MME: variants seen among roughly 807,000 people sequenced by gnomAD.
MME encodes the protein neprilysin.
A neutral mutation model predicts 113.2 loss-of-function variants in MME; 98 were observed. The observed-to-expected ratio is 0.87, with a 90% CI of 0.74 to 1.02. MME has a LOEUF of 1.02. MME is among the 50% of genes least tolerant of loss of function. The pLI, the probability that MME is intolerant of heterozygous loss-of-function variation, is 0.00. For synonymous variants in MME, 292 were observed against 300.6 expected, an observed-to-expected ratio of 0.97 and a Z score of 0.30; for missense variants, 836 against 896.0, an observed-to-expected ratio of 0.93 and a Z score of 0.86.
chr3:155,110,893 A>G (rs914116863), intron 3 of MME, among the ~76,000 whole-genome samples: 1 of 152,212 alleles, frequency 6.6e-6, no homozygotes, highest in Non-Finnish European at 1.5e-5. Context: ...TTCACTTTAC[A>G]ATATCTGGTC....
chr3:155,111,962 A>G lies in MME; in HGVS notation c.197-3032A>G, dbSNP rs577337734. Among the ~76,000 whole-genome samples the G allele has an allele frequency of 3.0e-4, 45 of 152,184 alleles. 1 individual carries two copies. Among genetic ancestry groups the G allele is most frequent in the African/African-American group, 9.2e-4 (38 of 41,516 alleles). ...TTTTCACTTTACATAATAATCCTCTATGTATTTAGGATCTTTATTTTTCAC... is the reference window on the plus strand; with the variant it reads ...TTTTCACTTTACATAATAATCCTCTGTGTATTTAGGATCTTTATTTTTCAC... On this transcript the variant is annotated intron_variant, in intron 3 of 22. Transcript: ENST00000360490.
intron 1 of MME, among the ~76,000 whole-genome samples, chr3:155,058,079 G>A (rs557247144): frequency 6.6e-6 from 1 of 151,790 alleles, no homozygotes; most frequent in Non-Finnish European, 1.5e-5. Context: ...CCAGTAGAGA[G>A]TCTACACAAA....
chr3:155,141,482 C>A (rs1399401639), intron 10 of MME, among the ~76,000 whole-genome samples: 3 of 152,034 alleles, frequency 2.0e-5, no homozygotes, highest in Non-Finnish European at 4.4e-5. Flanking sequence ...GACCCAATAT[C>A]GATAATTGAA....
rs1278727445 is a variant in MME at position 155,148,589 on chromosome 3, C to G, written c.1537C>G (p.Gln513Glu). 2.5e-6 allele frequency: 4 copies of G among 1,612,244 alleles called. No homozygotes were observed. The South Asian group carries it at 3.3e-5, about 13-fold the overall frequency. Residue 513 changes from glutamine to glutamate, a missense_variant, in exon 16 of 23, where the codon CAA (glutamine) becomes GAA (glutamate). Physicochemically the swap from Gln to Glu is conservative, Grantham distance 29. Coordinates refer to ENST00000360490, the MANE Select transcript of MME (RefSeq NM_007289.4). ...KEDEYFENII[Q>E]NLKFSQSKQL... ...AGATGAATACTTCGAGAACATAATT[C>G]AAAATTTGAAATTCAGCCAAAGTAA...
chr3:155,089,946 C>A, intron 3 of MME: 1 of 377,218 alleles, frequency 2.7e-6, no homozygotes, highest in Admixed American at 3.0e-5. Context: ...GAAGACAGCG[C>A]AAGACTCTAT....
chr3:155,049,674 T>G (rs1223928911), intron 1 of MME, among the ~76,000 whole-genome samples: 36 of 140,640 alleles, frequency 2.6e-4, no homozygotes, highest in African/African-American at 9.0e-4. Flanking sequence ...TATCTATCTA[T>G]ATATAGAGAG....
chr3:155,163,919 G>A (rs1482454793), intron 17 of MME, among the ~76,000 whole-genome samples: 1 of 152,014 alleles, frequency 6.6e-6, no homozygotes, highest in Non-Finnish European at 1.5e-5. Context: ...GAGGTAGGCT[G>A]ATTACTTGAG....
At chr3:155,148,687 A>T (rs1274879585) in intron 16 of MME, 34 bp downstream of exon 16, 3 of 1,464,692 alleles carry the variant, frequency 2.0e-6, no homozygotes, top group Non-Finnish European at 2.9e-6. Context: ...GTGATCATCT[A>T]GAAGCAGGTC....
At chr3:155,040,325 C>A (rs540785802) in intron 1 of MME, among the ~76,000 whole-genome samples, 1 of 152,122 alleles carries the variant, frequency 6.6e-6, no homozygotes, top group Non-Finnish European at 1.5e-5. Context: ...TTGTCACAAC[C>A]AAACATGTGC....
At chr3:155,078,423 A>G (rs1714845914), upstream of MME, among the ~76,000 whole-genome samples, 1 of 152,146 alleles carries the variant, frequency 6.6e-6, no homozygotes, top group South Asian at 2.1e-4. Context: ...TAATCGAATT[A>G]TTTAAAGATT....
chr3:155,029,022 A>C (rs1050236347), intron 1 of MME, among the ~76,000 whole-genome samples: 1 of 152,192 alleles, frequency 6.6e-6, no homozygotes, highest in African/African-American at 2.4e-5. Context: ...AAAAAGCAAA[A>C]ACTTTTAATC....
upstream of MME, among the ~76,000 whole-genome samples, chr3:155,077,366 C>T (rs1308677720): frequency 1.3e-5 from 2 of 152,244 alleles, no homozygotes; most frequent in East Asian, 1.9e-4. Flanking sequence ...GCTACTTTCT[C>T]CTCCATTCCT....
At chr3:155,161,518 C>T (rs1017168065) in intron 17 of MME, among the ~76,000 whole-genome samples, 1 of 151,944 alleles carries the variant, frequency 6.6e-6, no homozygotes, top group Non-Finnish European at 1.5e-5. Flanking sequence ...AAAAACTAAC[C>T]TTAAAATAAA....
At chr3:155,150,587 A>C (rs538520583) in intron 16 of MME, among the ~76,000 whole-genome samples, 1 of 152,136 alleles carries the variant, frequency 6.6e-6, no homozygotes, top group Admixed American at 6.6e-5. Flanking sequence ...CTAGCTGCAC[A>C]TGATAATCAC....
chr3:155,164,398 G>T (rs1018018282), intron 17 of MME, among the ~76,000 whole-genome samples: 2 of 152,082 alleles, frequency 1.3e-5, no homozygotes, highest in Non-Finnish European at 2.9e-5. Context: ...TAAGCAGTTG[G>T]TTATAAACAA....
In MME at chr3:155,073,505, C is replaced by A. The variant is rs542785570; in HGVS notation, c.-10-10653C>A. ...TTTGCTGTAAATAGAATGTTTTAAACAATAGTAGTGGGTAATAATAAAACA... is the reference window on the plus strand; with the variant it reads ...TTTGCTGTAAATAGAATGTTTTAAAAAATAGTAGTGGGTAATAATAAAACA... On this transcript the variant is annotated intron_variant, in intron 1 of 22. Coordinates refer to the MME transcript ENST00000492661. Among the ~76,000 whole-genome samples, 221 of 152,068 alleles carry A rather than the reference C, an allele frequency of 1.5e-3. 1 individual carries two copies. The highest frequency in any genetic ancestry group is 5.1e-3 in the African/African-American group (213 of 41,476).
Position 155,181,306 on chromosome 3 carries a change from C to A in MME, c.*847C>A, listed in dbSNP as rs1446569371. 1 of 151,988 alleles carries A rather than the reference C, an allele frequency of 6.6e-6. No individual in the cohort carries two copies. Among genetic ancestry groups the A allele is most frequent in the African/African-American group, 2.4e-5 (1 of 41,398 alleles). 9.4% of individuals were successfully genotyped at this position (151,988 alleles called of 1,614,324 possible). Reference sequence around the variant, plus strand: ...AAAATAAACAGTTGTGAACCAAGATCTATAAAGCGATATACAGATGAAAAT... The same window carrying A: ...AAAATAAACAGTTGTGAACCAAGATATATAAAGCGATATACAGATGAAAAT... On this transcript the variant is annotated 3_prime_UTR_variant, in exon 23 of 23. Transcript: ENST00000360490.
intron 1 of MME, among the ~76,000 whole-genome samples, chr3:155,025,756 G>A (rs186910729): frequency 0.045 from 5,601 of 125,008 alleles, 135 homozygotes; most frequent in African/African-American, 0.054. Flanking sequence ...GCAATGGCAC[G>A]ATCTCGGCTC....
intron 1 of MME, 127 bp downstream of exon 1, chr3:155,080,593 A>G (rs1426969012): frequency 1.3e-5 from 2 of 152,078 alleles, no homozygotes; most frequent in Non-Finnish European, 2.9e-5. Flanking sequence ...CTGATTTCCT[A>G]TTATATAATT....
Sources: gnomAD v4.1 joint callset for allele counts (sites outside exome capture counted in the v4.1 genomes callset) on GRCh38, gnomAD v4.1.1 for gene constraint, MANE v1.5 for transcripts, NCBI Gene and HGNC (gene_info 2026-07-23, HGNC 2026-07-21) for gene names.